IL31RA: variants seen among roughly 807,000 people sequenced by gnomAD.
The protein encoded by IL31RA is interleukin 31 receptor A.
IL31RA carries 66 observed loss-of-function variants against 83.7 expected under a neutral mutation model. That is an observed-to-expected ratio of 0.79 (90% CI 0.65 to 0.97). The LOEUF is 0.97. IL31RA is among the 50% of genes least tolerant of loss of function. The pLI is 0.00. For missense variants in IL31RA, 798 were observed against 919.4 expected (o/e 0.87, Z 1.71); for synonymous variants, 325 against 329.0 (o/e 0.99, Z 0.13).
chr5:55,905,765 G>T (rs1042286760), intron 8 of IL31RA, among the ~76,000 whole-genome samples: 2 of 152,166 alleles, frequency 1.3e-5, no homozygotes, highest in African/African-American at 4.8e-5. Flanking sequence ...TTCTACCTTT[G>T]GAGATTCTCT....
chr5:55,912,892 A>G (rs989799304), intron 12 of IL31RA, among the ~76,000 whole-genome samples: 11 of 151,938 alleles, frequency 7.2e-5, no homozygotes, highest in African/African-American at 2.7e-4. Flanking sequence ...GCTTGAGCCC[A>G]GGAGTTCGAG....
upstream of IL31RA, among the ~76,000 whole-genome samples, chr5:55,850,099 C>G (rs1466899332): frequency 6.6e-6 from 1 of 152,252 alleles, no homozygotes; most frequent in East Asian, 1.9e-4. Context: ...CCATTCTCAT[C>G]CTTGATCCTT....
In IL31RA at chr5:55,921,189, T is replaced by C. The variant is rs538191157; in HGVS notation, c.*4069T>C. 1.3e-5 allele frequency among the ~76,000 whole-genome samples: 2 copies of C among 152,224 alleles called. No individual in the cohort carries two copies. The highest frequency in any genetic ancestry group is 2.9e-5 in the Non-Finnish European group (2 of 68,038). On this transcript the variant is annotated 3_prime_UTR_variant, in exon 15 of 15. Coordinates refer to ENST00000652347, the MANE Select transcript of IL31RA (RefSeq NM_139017.7). ...TTAAAATTTGTTTTAAATTCAACTT[T>C]ACAGCAGTAATCCCAAGAGTTTTAA...
At chr5:55,865,290 TAGAA>T (rs1319572438) in intron 2 of IL31RA, among the ~76,000 whole-genome samples, 2 of 152,212 alleles carry the variant, frequency 1.3e-5, no homozygotes, top group African/African-American at 4.8e-5. Flanking sequence ...GTAGCAAAGA[TAGAA>T]AGCCTTTGAA....
At chr5:55,849,989 G>A (rs1561531120), upstream of IL31RA, among the ~76,000 whole-genome samples, 1 of 152,152 alleles carries the variant, frequency 6.6e-6, no homozygotes, top group Non-Finnish European at 1.5e-5. Context: ...GGATCATTTG[G>A]ATGGGTAGAG....
At chr5:55,891,685 C>A (rs779198260) in intron 6 of IL31RA, among the ~76,000 whole-genome samples, 1 of 144,374 alleles carries the variant, frequency 6.9e-6, no homozygotes, top group Non-Finnish European at 1.5e-5. Flanking sequence ...ATCTCAAGAT[C>A]ATTAACTTAA....
chr5:55,904,977 A>G (rs2112548546), intron 8 of IL31RA, among the ~76,000 whole-genome samples: 2 of 151,794 alleles, frequency 1.3e-5, no homozygotes, highest in Admixed American at 1.3e-4. Context: ...AGCTGGGCAG[A>G]TCACTTGAGG....
intron 7 of IL31RA, among the ~76,000 whole-genome samples, chr5:55,899,503 A>G (rs1019545825): frequency 6.6e-6 from 1 of 152,114 alleles, no homozygotes; most frequent in African/African-American, 2.4e-5. Context: ...GGCATAGGGT[A>G]CTCTCCAACC....
rs1343644324 is a variant in IL31RA at position 55,870,737 on chromosome 5, A to G, written c.273-1533A>G. 1.1e-4 allele frequency among the ~76,000 whole-genome samples: 16 copies of G among 152,196 alleles called. 1 individual carries two copies. The highest frequency in any genetic ancestry group is 8.5e-4 in the Admixed American group (13 of 15,276). On this transcript the variant is annotated intron_variant, in intron 3 of 14. Transcript: ENST00000652347. ...TTTATCACCAAGAGGATCTCTTCCAAGCAAAGTGGAAGGGTTTCCCTGTGG... is the reference window on the plus strand; with the variant it reads ...TTTATCACCAAGAGGATCTCTTCCAGGCAAAGTGGAAGGGTTTCCCTGTGG...
In IL31RA at chr5:55,851,606, A is replaced by G; in HGVS notation, c.36A>G (p.Ala12=). The part of the protein sequence containing the change: ...CIRQLKFFTT[A]CVCECPQNIL... ...GGCAACTCAAGTTTTTCACCACGGC[A>G]TGTGTCTGTGAATGTCCGCAAAACA... Residue 12 remains alanine (A), a synonymous_variant, in exon 1 of 15, where the codon GCA becomes GCG. Coordinates refer to ENST00000652347, the MANE Select transcript of IL31RA (RefSeq NM_139017.7). 1 of 1,613,924 alleles carries G rather than the reference A, an allele frequency of 6.2e-7. No homozygotes were observed. Among genetic ancestry groups the G allele is most frequent in the Non-Finnish European group, 8.5e-7 (1 of 1,179,868 alleles).
intron 3 of IL31RA, 53 bp from the exon 4 acceptor site, chr5:55,872,217 A>C (rs1010231405): frequency 3.7e-5 from 48 of 1,304,464 alleles, no homozygotes; most frequent in Non-Finnish European, 4.5e-5. Flanking sequence ...AAATATGGTT[A>C]TGTTTCCAAA....
In IL31RA at chr5:55,914,874, C is replaced by T. The variant is rs17701253; in HGVS notation, c.1764C>T (p.Thr588=). 88,123 of 1,612,190 alleles carry T rather than the reference C, an allele frequency of 0.055. 2,786 individuals are homozygous for T. Among genetic ancestry groups the T allele is most frequent in the Admixed American group, 0.076 (4,581 of 60,018 alleles). The part of the protein sequence containing the change: ...PNKLTHLCWP[T]VPNPAESSIA... Reference sequence around the variant, plus strand: ...AATTGACTCATCTGTGTTGGCCCACCGTTCCCAACCCTGCTGAAAGTAGTA... The same window carrying T: ...AATTGACTCATCTGTGTTGGCCCACTGTTCCCAACCCTGCTGAAAGTAGTA... The change falls in exon 14 of 15, where the codon ACC becomes ACT. Residue 588 remains threonine (T), a synonymous_variant. Coordinates refer to ENST00000652347, the MANE Select transcript of IL31RA (RefSeq NM_139017.7).
intron 6 of IL31RA, among the ~76,000 whole-genome samples, chr5:55,895,410 G>C (rs1458315799): frequency 6.6e-6 from 1 of 152,174 alleles, no homozygotes; most frequent in East Asian, 1.9e-4. Context: ...GCTTGAGACA[G>C]GATATTTGAG....
chr5:55,911,211 G>A (rs1038218593), intron 12 of IL31RA, among the ~76,000 whole-genome samples: 2 of 152,130 alleles, frequency 1.3e-5, no homozygotes, highest in Non-Finnish European at 2.9e-5. Context: ...GAGAGAATGA[G>A]GACCAAGTGA....
At chr5:55,870,293 A>G (rs1449302674) in intron 3 of IL31RA, among the ~76,000 whole-genome samples, 2 of 152,226 alleles carry the variant, frequency 1.3e-5, no homozygotes, top group African/African-American at 4.8e-5. Flanking sequence ...TCAACCATTA[A>G]CAGCATGTAA....
intron 1 of IL31RA, among the ~76,000 whole-genome samples, chr5:55,857,619 ATC>A (rs1745437870): frequency 6.6e-6 from 1 of 152,024 alleles, no homozygotes; most frequent in African/African-American, 2.4e-5. Flanking sequence ...TGAGACTACT[ATC>A]CAGGCTTCTG....
At position 55,920,474 on chromosome 5, in the gene IL31RA, G is replaced by A. The variant is rs1316461475; in HGVS notation, c.*3354G>A. On this transcript the variant is annotated 3_prime_UTR_variant, in exon 15 of 15. Coordinates refer to ENST00000652347, the MANE Select transcript of IL31RA (RefSeq NM_139017.7). The stretch of plus-strand genomic sequence containing the variant: ...GAAAAGTCCAAGAAATTCACGTAGT[G>A]TTGACAAAGTGTAATTGGAACACAG... 6.6e-6 allele frequency among the ~76,000 whole-genome samples: 1 copy of A among 152,274 alleles called. No homozygotes were observed. The highest frequency in any genetic ancestry group is 1.5e-5 in the Non-Finnish European group (1 of 68,052).
intron 2 of IL31RA, among the ~76,000 whole-genome samples, chr5:55,865,481 A>C (rs1483421285): frequency 1.3e-5 from 2 of 152,170 alleles, no homozygotes; most frequent in Non-Finnish European, 2.9e-5. Context: ...CAGTTCATAG[A>C]CCAAATACAT....
chr5:55,847,249 AAAT>A (rs1561530262), upstream of IL31RA, among the ~76,000 whole-genome samples: 2 of 48,074 alleles, frequency 4.2e-5, no homozygotes, highest in African/African-American at 7.8e-5. Context: ...AAATAAAAAT[AAAT>A]AAATAAATAA....
Sources: allele counts gnomAD v4.1 joint callset (sites outside exome capture counted in the v4.1 genomes callset), GRCh38; gene constraint gnomAD v4.1.1; transcripts MANE v1.5; gene names NCBI Gene and HGNC (gene_info 2026-07-23, HGNC 2026-07-21).